Variants in MEIS1 observed in about 807,000 individuals in gnomAD.
MEIS1 encodes homeobox protein Meis1.
A neutral mutation model predicts 50.8 loss-of-function variants in MEIS1; 5 were observed. That is an observed-to-expected ratio of 0.10 (90% CI 0.05 to 0.21). MEIS1 has a LOEUF of 0.21. Among genes scored for constraint, MEIS1 ranks in the 10% least tolerant of loss-of-function variants. The pLI, the probability that MEIS1 is intolerant of heterozygous loss-of-function variation, is 1.00. For missense variants in MEIS1, 318 were observed against 517.3 expected (o/e 0.61, Z 3.74); for synonymous variants, 176 against 179.3 (o/e 0.98, Z 0.15).
chr2:66,549,735 C>T (rs1010371162), intron 9 of MEIS1, among the ~76,000 whole-genome samples: 6 of 151,962 alleles, frequency 3.9e-5, no homozygotes, highest in Admixed American at 6.6e-5. Context: ...AGTTAAGAAA[C>T]GAAAAGCGCT....
chr2:66,448,550 A>G (rs1223878680), intron 6 of MEIS1, among the ~76,000 whole-genome samples: 1 of 152,316 alleles, frequency 6.6e-6, no homozygotes, highest in East Asian at 1.9e-4. Flanking sequence ...GACACTTGCC[A>G]TAAATGAAAA....
At chr2:66,441,874 A>G in intron 5 of MEIS1, 1 of 180,482 alleles carries the variant, frequency 5.5e-6, no homozygotes, top group Non-Finnish European at 1.1e-5. Context: ...GAGTTTCTGG[A>G]AGACAGTCTT....
In MEIS1 at chr2:66,526,075, GCACTGTCA is replaced by G. The variant is rs1416413595; in HGVS notation, c.888+13783_888+13790del. Among the ~76,000 whole-genome samples, 16 of 152,298 alleles carry G rather than the reference GCACTGTCA, an allele frequency of 1.1e-4. No individual in the cohort carries two copies. In the South Asian group the frequency reaches 3.1e-3, roughly 30 times the overall value. On this transcript the variant is annotated intron_variant, in intron 8 of 12. Transcript: ENST00000272369. Reference sequence around the variant, plus strand: ...GCCTTGTGTACTTTATCTGCCATGGGCACTGTCACTCTCAAATTTCGCAGCATCCTGGA... The same window carrying G: ...GCCTTGTGTACTTTATCTGCCATGGGCTCTCAAATTTCGCAGCATCCTGGA...
At chr2:66,436,373 G>A (rs892178400) in intron 1 of MEIS1, among the ~76,000 whole-genome samples, 1 of 152,048 alleles carries the variant, frequency 6.6e-6, no homozygotes, top group African/African-American at 2.4e-5. Context: ...AATTTGTATA[G>A]ACTTGTATAC....
chr2:66,556,941 G>A (rs1481680874), intron 9 of MEIS1, among the ~76,000 whole-genome samples: 2 of 151,040 alleles, frequency 1.3e-5, no homozygotes, highest in African/African-American at 4.9e-5. Context: ...CAGAGAGGGG[G>A]TAGCGGGGCA....
chr2:66,484,987 AT>A (rs970740598), intron 7 of MEIS1, among the ~76,000 whole-genome samples: 5 of 151,986 alleles, frequency 3.3e-5, no homozygotes, highest in Non-Finnish European at 5.9e-5. Flanking sequence ...ATAGGACGAG[AT>A]TTTTTTTGGG....
At chr2:66,561,513 G>A (rs1174793523) in intron 9 of MEIS1, among the ~76,000 whole-genome samples, 2 of 152,218 alleles carry the variant, frequency 1.3e-5, no homozygotes, top group South Asian at 4.2e-4. Context: ...AATAGTATAT[G>A]CAGAAATCTT....
At chr2:66,516,606 C>A (rs1042827608) in intron 8 of MEIS1, among the ~76,000 whole-genome samples, 1 of 146,196 alleles carries the variant, frequency 6.8e-6, no homozygotes, top group African/African-American at 2.5e-5. Flanking sequence ...TGTGTGTGTG[C>A]GGCCAAATTT....
intron 6 of MEIS1, among the ~76,000 whole-genome samples, chr2:66,452,417 T>C (rs1050417912): frequency 6.6e-6 from 1 of 151,956 alleles, no homozygotes; most frequent in Non-Finnish European, 1.5e-5. Flanking sequence ...GTGGCATCTC[T>C]GCCAATGTGG....
chr2:66,537,270 C>A (rs1286115018), intron 8 of MEIS1, among the ~76,000 whole-genome samples: 1 of 152,206 alleles, frequency 6.6e-6, no homozygotes, highest in Non-Finnish European at 1.5e-5. Context: ...TACATAATCA[C>A]CCCTGAATTA....
chr2:66,435,982 T>C, intron 1 of MEIS1, 114 bp downstream of exon 1: 1 of 908,036 alleles, frequency 1.1e-6, no homozygotes, highest in Non-Finnish European at 1.6e-6. Flanking sequence ...AAAATGAGGC[T>C]CCTAAAGCCG....
At chr2:66,521,891 G>T (rs1433028260) in intron 8 of MEIS1, among the ~76,000 whole-genome samples, 2 of 152,172 alleles carry the variant, frequency 1.3e-5, no homozygotes, top group African/African-American at 4.8e-5. Context: ...TTAATTACCA[G>T]TGGCTGTGTT....
At chr2:66,555,908 G>A (rs1430589191) in intron 9 of MEIS1, among the ~76,000 whole-genome samples, 1 of 152,176 alleles carries the variant, frequency 6.6e-6, no homozygotes, top group Non-Finnish European at 1.5e-5. Flanking sequence ...GGGGCTCGGG[G>A]GAAGGAAGTG....
chr2:66,519,654 T>C (rs1390337294), intron 8 of MEIS1, among the ~76,000 whole-genome samples: 1 of 152,184 alleles, frequency 6.6e-6, no homozygotes, highest in Non-Finnish European at 1.5e-5. Flanking sequence ...CTCAGCAAAT[T>C]ATAGGCCAGT....
At position 66,571,670 on chromosome 2, in the gene MEIS1, G is replaced by T. The variant is rs775591037; in HGVS notation, c.*462G>T. 1.0e-6 allele frequency: 1 copy of T among 964,102 alleles called. No individual in the cohort carries two copies. Among genetic ancestry groups the T allele is most frequent in the Non-Finnish European group, 1.5e-6 (1 of 655,552 alleles). 59.7% of individuals were successfully genotyped at this position (964,102 alleles called of 1,614,324 possible). ...CTTCATAGGGACCTTTAAAAAGCAG[G>T]AAATACCAACTGAAGTCAATTTGGG... On this transcript the variant is annotated 3_prime_UTR_variant, in exon 13 of 13. Transcript: ENST00000272369.
chr2:66,443,560 C>G (rs991902382), intron 6 of MEIS1: 1 of 155,854 alleles, frequency 6.4e-6, no homozygotes, highest in Non-Finnish European at 1.4e-5. Context: ...CCTGTCTTGT[C>G]AGTTTTCCTC....
chr2:66,455,984 G>C (rs1363352023), intron 6 of MEIS1, among the ~76,000 whole-genome samples: 3 of 152,028 alleles, frequency 2.0e-5, no homozygotes, highest in Admixed American at 1.3e-4. Context: ...GAATCACCTG[G>C]TAGAAAACTT....
At chr2:66,527,538 T>C (rs1042144309) in intron 8 of MEIS1, among the ~76,000 whole-genome samples, 2 of 151,596 alleles carry the variant, frequency 1.3e-5, no homozygotes, top group South Asian at 4.2e-4. Flanking sequence ...TGTAGCCCCT[T>C]TGCTGTCCCT....
intron 9 of MEIS1, among the ~76,000 whole-genome samples, chr2:66,563,152 A>T (rs746972177): frequency 3.7e-4 from 56 of 152,320 alleles, no homozygotes; most frequent in Non-Finnish European, 7.1e-4. Context: ...GTAAAAGTAC[A>T]AAAGTTTCCT....
Sources: allele counts gnomAD v4.1 joint callset (sites outside exome capture counted in the v4.1 genomes callset), GRCh38; gene constraint gnomAD v4.1.1; transcripts MANE v1.5; gene names NCBI Gene and HGNC (gene_info 2026-07-23, HGNC 2026-07-21).